The following SLIT3 variants were observed in gnomAD, a reference collection of about 807,000 sequenced individuals.
The protein encoded by SLIT3 is slit homolog 3 protein.
In SLIT3, 68 loss-of-function variants were observed where a neutral mutation model predicts 184.0. The observed-to-expected ratio is 0.37, with a 90% CI of 0.30 to 0.45. The LOEUF (loss-of-function observed/expected upper bound fraction) is 0.45. Among genes scored for constraint, SLIT3 ranks in the 20% least tolerant of loss-of-function variants. SLIT3 has a pLI of 1.00. For missense variants in SLIT3, 1,707 were observed against 2,026.0 expected (o/e 0.84, Z 3.02); for synonymous variants, 831 against 828.6 (o/e 1.00, Z -0.05).
chr5:169,141,985 G>T (rs1248938408), intron 4 of SLIT3, among the ~76,000 whole-genome samples: 1 of 151,422 alleles, frequency 6.6e-6, no homozygotes, highest in African/African-American at 2.4e-5. Flanking sequence ...GGGAGGCAGA[G>T]CTTGCAGTGA....
At chr5:169,129,068 C>T (rs1421580754) in intron 4 of SLIT3, among the ~76,000 whole-genome samples, 2 of 152,118 alleles carry the variant, frequency 1.3e-5, no homozygotes, top group East Asian at 3.9e-4. Flanking sequence ...GTTATAATTC[C>T]TTGGTAAGCT....
intron 1 of SLIT3, among the ~76,000 whole-genome samples, chr5:169,276,521 A>T (rs1223186804): frequency 6.6e-6 from 1 of 152,196 alleles, no homozygotes; most frequent in Admixed American, 6.5e-5. Context: ...CCTGGTTGGG[A>T]TTCTGAGAGT....
intron 4 of SLIT3, among the ~76,000 whole-genome samples, chr5:169,133,430 T>G (rs757436074): frequency 6.6e-6 from 1 of 152,210 alleles, no homozygotes; most frequent in Non-Finnish European, 1.5e-5. Flanking sequence ...CTGTGTCATC[T>G]ATGCATAGAG....
At chr5:168,960,832 T>C (rs1762979796) in intron 4 of SLIT3, among the ~76,000 whole-genome samples, 1 of 152,246 alleles carries the variant, frequency 6.6e-6, no homozygotes, top group Non-Finnish European at 1.5e-5. Context: ...AAGCTGGAGC[T>C]TTATTAGTTT....
intron 4 of SLIT3, among the ~76,000 whole-genome samples, chr5:169,129,287 C>T (rs1761198455): frequency 6.6e-6 from 1 of 152,178 alleles, no homozygotes; most frequent in Admixed American, 6.5e-5. Context: ...TGTGGTGGCT[C>T]ATGCCTGTAA....
intron 16 of SLIT3, among the ~76,000 whole-genome samples, chr5:168,754,842 G>T (rs1168968775): frequency 6.6e-6 from 1 of 152,148 alleles, no homozygotes; most frequent in Non-Finnish European, 1.5e-5. Context: ...GACTGACAGA[G>T]TTAAAATAGT....
chr5:169,282,313 G>T (rs1767023196), intron 1 of SLIT3, among the ~76,000 whole-genome samples: 1 of 152,108 alleles, frequency 6.6e-6, no homozygotes, highest in Admixed American at 6.5e-5. Flanking sequence ...CAGAAAATAG[G>T]CTCTGGGGAA....
chr5:169,085,647 T>A (rs894837129), intron 4 of SLIT3, among the ~76,000 whole-genome samples: 2 of 152,192 alleles, frequency 1.3e-5, no homozygotes, highest in African/African-American at 4.8e-5. Context: ...AACTGTTTGG[T>A]GTCAATACCC....
intron 20 of SLIT3, among the ~76,000 whole-genome samples, chr5:168,725,862 G>T (rs1422962486): frequency 6.6e-6 from 1 of 152,192 alleles, no homozygotes; most frequent in Non-Finnish European, 1.5e-5. Context: ...ATGGGTCAAG[G>T]TGTCAATGAC....
At chr5:168,917,319 G>A (rs745374562) in intron 4 of SLIT3, among the ~76,000 whole-genome samples, 12 of 152,104 alleles carry the variant, frequency 7.9e-5, no homozygotes, top group Non-Finnish European at 1.6e-4. Flanking sequence ...GGATTTTAAC[G>A]GCTCTGAACC....
At chr5:168,951,024 C>A (rs370147194) in intron 4 of SLIT3, among the ~76,000 whole-genome samples, 65 of 152,282 alleles carry the variant, frequency 4.3e-4, no homozygotes, top group African/African-American at 1.5e-3. Flanking sequence ...AGTTGGAGAC[C>A]AGCCTGGCAA....
chr5:168,697,482 C>T (rs1014262828), intron 27 of SLIT3, among the ~76,000 whole-genome samples: 2 of 152,122 alleles, frequency 1.3e-5, no homozygotes, highest in South Asian at 2.1e-4. Context: ...CAATGAATCT[C>T]GATCTTTCTT....
chr5:169,000,043 C>T (rs1265793180), intron 4 of SLIT3, among the ~76,000 whole-genome samples: 1 of 152,098 alleles, frequency 6.6e-6, no homozygotes, highest in Admixed American at 6.6e-5. Flanking sequence ...AATCAGTGCT[C>T]AACAAATACT....
intron 12 of SLIT3, among the ~76,000 whole-genome samples, chr5:168,777,457 C>T (rs150681037): frequency 9.8e-4 from 149 of 152,326 alleles, no homozygotes; most frequent in African/African-American, 3.2e-3. Flanking sequence ...CTAAATGCCA[C>T]GCTGGCAATC....
chr5:169,289,938 T>C (rs941817945), intron 1 of SLIT3, among the ~76,000 whole-genome samples: 2 of 148,130 alleles, frequency 1.4e-5, no homozygotes, highest in African/African-American at 5.0e-5. Flanking sequence ...TGCTAGAACA[T>C]ACACCAGGGC....
intron 8 of SLIT3, among the ~76,000 whole-genome samples, chr5:168,814,537 A>G (rs1236587125): frequency 6.6e-6 from 1 of 152,134 alleles, no homozygotes. Flanking sequence ...GAGTGTGGTC[A>G]GTCCTTGAAA....
intron 4 of SLIT3, among the ~76,000 whole-genome samples, chr5:169,028,209 G>A (rs980442603): frequency 7.3e-5 from 11 of 151,602 alleles, no homozygotes; most frequent in African/African-American, 2.7e-4. Flanking sequence ...GAATGCCAGG[G>A]GTTATTTCTC....
At chr5:169,287,959 A>G (rs910664275) in intron 1 of SLIT3, among the ~76,000 whole-genome samples, 13 of 152,098 alleles carry the variant, frequency 8.5e-5, no homozygotes, top group South Asian at 2.1e-4. Context: ...CCCATCGCCT[A>G]CCCCATGCTT....
At chr5:169,268,857 T>G (rs1766497716) in intron 1 of SLIT3, among the ~76,000 whole-genome samples, 2 of 152,202 alleles carry the variant, frequency 1.3e-5, no homozygotes, top group Non-Finnish European at 2.9e-5. Flanking sequence ...ACGTATTGAT[T>G]TATCATGTCA....
Sources: gnomAD v4.1 joint callset for allele counts (sites outside exome capture counted in the v4.1 genomes callset) on GRCh38, gnomAD v4.1.1 for gene constraint, MANE v1.5 for transcripts, NCBI Gene and HGNC (gene_info 2026-07-23, HGNC 2026-07-21) for gene names.